PON3: variants seen among roughly 807,000 people sequenced by gnomAD.
The protein encoded by PON3 is paraoxonase 3.
Under a neutral mutation model 36.3 loss-of-function variants are expected in PON3, and 37 were observed. The observed-to-expected ratio is 1.02, with a 90% confidence interval of 0.78 to 1.34. PON3 has a LOEUF of 1.34. Among genes scored for constraint, PON3 ranks in the 40% most tolerant of loss-of-function variants. The pLI, the probability that PON3 is intolerant of heterozygous loss-of-function variation, is 0.00. For synonymous variants in PON3, 155 were observed against 154.8 expected, an observed-to-expected ratio of 1.00 and a Z score of -0.01; for missense variants, 415 against 426.5, an observed-to-expected ratio of 0.97 and a Z score of 0.24.
chr7:95,365,077 A>G (rs941634049), intron 5 of PON3: 1 of 152,148 alleles, frequency 6.6e-6, no homozygotes. Flanking sequence ...TTTACTCCAA[A>G]AAGTATTGCC....
At chr7:95,372,959 T>C (rs1203905538) in intron 3 of PON3, among the ~76,000 whole-genome samples, 4 of 152,168 alleles carry the variant, frequency 2.6e-5, no homozygotes, top group African/African-American at 9.7e-5. Flanking sequence ...AAAAGTTTAT[T>C]CCAGTAACTT....
intron 3 of PON3, among the ~76,000 whole-genome samples, chr7:95,382,341 A>T (rs578009435): frequency 8.5e-5 from 13 of 152,316 alleles, no homozygotes; most frequent in South Asian, 2.1e-4. Flanking sequence ...AAGACAAGAA[A>T]TAACTAAGAT....
chr7:95,386,072 C>T (rs1809182844), intron 3 of PON3, among the ~76,000 whole-genome samples: 1 of 152,124 alleles, frequency 6.6e-6, no homozygotes, highest in Non-Finnish European at 1.5e-5. Context: ...ATTAAAAGAA[C>T]TACAGAAGCA....
chr7:95,393,259 G>A (rs918750876), intron 2 of PON3, among the ~76,000 whole-genome samples: 1 of 152,192 alleles, frequency 6.6e-6, no homozygotes, highest in South Asian at 2.1e-4. Context: ...GCCCTAGGGA[G>A]TTTACAATCT....
intron 3 of PON3, among the ~76,000 whole-genome samples, chr7:95,381,449 A>G (rs1471563900): frequency 6.6e-6 from 1 of 152,246 alleles, no homozygotes; most frequent in East Asian, 1.9e-4. Flanking sequence ...TGCTGTATTC[A>G]AGAAACCCAT....
At chr7:95,385,459 C>G (rs973549219) in intron 3 of PON3, among the ~76,000 whole-genome samples, 2 of 152,120 alleles carry the variant, frequency 1.3e-5, no homozygotes, top group Non-Finnish European at 2.9e-5. Context: ...GACTCCCACA[C>G]AATACTACTG....
chr7:95,367,601 T>G lies in PON3; in HGVS notation c.368-113A>C, dbSNP rs3757708. ...AGTTTTCTTCTTACATCTTGCATTT[T>G]ACCCTCACAGTCTACATGATAGGTA... On this transcript the variant is annotated intron_variant, in intron 4 of 8. Coordinates refer to ENST00000265627, the MANE Select transcript of PON3 (RefSeq NM_000940.3). 0.51 allele frequency: 580,543 copies of G among 1,143,818 alleles called. 151,590 individuals are homozygous for G. Among genetic ancestry groups the G allele is most frequent in the East Asian group, 0.8 (33,428 of 41,624 alleles). 70.9% of individuals were successfully genotyped at this position (1,143,818 alleles called of 1,614,324 possible).
intron 7 of PON3, 36 bp from the exon 8 acceptor site, chr7:95,362,526 C>A: frequency 6.2e-7 from 1 of 1,612,708 alleles, no homozygotes; most frequent in Non-Finnish European, 8.5e-7. Flanking sequence ...GACATTGTCT[C>A]AATGATTCCT....
At chr7:95,370,228 T>A (rs1323251185) in intron 4 of PON3, among the ~76,000 whole-genome samples, 2 of 152,052 alleles carry the variant, frequency 1.3e-5, no homozygotes, top group African/African-American at 4.8e-5. Context: ...ATCCTTACTA[T>A]GACAATGAAT....
chr7:95,367,231 T>G lies in PON3; in HGVS notation c.494+131A>C, dbSNP rs889217876. 4 of 1,146,414 alleles carry G rather than the reference T, an allele frequency of 3.5e-6. No homozygotes were observed. In the African/African-American group the frequency reaches 4.7e-5, roughly 13 times the overall value. 71.0% of individuals were successfully genotyped at this position (1,146,414 alleles called of 1,614,324 possible). On this transcript the variant is annotated intron_variant, in intron 5 of 8. Coordinates refer to ENST00000265627, the MANE Select transcript of PON3 (RefSeq NM_000940.3). ...CTGGGAAGAGTCACCATGGGAATCATTAGAAAGCTTTAGAAAAAAATCAAA... is the reference window on the plus strand; with the variant it reads ...CTGGGAAGAGTCACCATGGGAATCAGTAGAAAGCTTTAGAAAAAAATCAAA...
chr7:95,378,549 T>C (rs1014792291), intron 3 of PON3, among the ~76,000 whole-genome samples: 4 of 152,202 alleles, frequency 2.6e-5, no homozygotes, highest in Non-Finnish European at 5.9e-5. Context: ...GACTAACAGC[T>C]GATCTCTCGG....
chr7:95,378,740 G>T (rs539940537), intron 3 of PON3, among the ~76,000 whole-genome samples: 1 of 152,248 alleles, frequency 6.6e-6, no homozygotes, highest in East Asian at 1.9e-4. Flanking sequence ...CCTTACAAGA[G>T]CTCCTGAAGG....
intron 4 of PON3, among the ~76,000 whole-genome samples, chr7:95,371,908 C>G (rs1008885986): frequency 1.3e-5 from 2 of 151,904 alleles, no homozygotes; most frequent in Admixed American, 6.6e-5. Context: ...TTTCTGAGAA[C>G]AGTATTCAAA....
rs1808821974 is a variant in PON3, at chr7:95,372,166, GT to G, written c.367+6del. The G allele has an allele frequency of 5.0e-6, 8 of 1,612,058 alleles. No individual in the cohort carries two copies. The highest frequency in any genetic ancestry group is 6.8e-6 in the Non-Finnish European group (8 of 1,178,358). ...TTCCCCCTTATCCCTAAACATACAG[GT>G]TTTACCTTTGTCGATGAAAATACTG... On this transcript the variant is annotated splice_donor_region_variant and intron_variant, in intron 4 of 8. Transcript: ENST00000265627.
chr7:95,374,563 C>G (rs1244381934), intron 3 of PON3, among the ~76,000 whole-genome samples: 1 of 152,118 alleles, frequency 6.6e-6, no homozygotes, highest in African/African-American at 2.4e-5. Context: ...TATCTCTCTT[C>G]CCCTCACCAT....
chr7:95,374,595 C>T (rs990106818), intron 3 of PON3, among the ~76,000 whole-genome samples: 3 of 152,134 alleles, frequency 2.0e-5, no homozygotes, highest in African/African-American at 7.2e-5. Context: ...GAAACATCAC[C>T]TGATCTTATT....
intron 3 of PON3, chr7:95,377,699 G>C (rs1374994094): frequency 8.8e-6 from 2 of 227,582 alleles, no homozygotes; most frequent in African/African-American, 4.7e-5. Context: ...ACTGTTAGAA[G>C]GAAAACTAAC....
At chr7:95,374,155 TG>T (rs1808867486) in intron 3 of PON3, among the ~76,000 whole-genome samples, 1 of 152,186 alleles carries the variant, frequency 6.6e-6, no homozygotes, top group Non-Finnish European at 1.5e-5. Context: ...GTGCCCAAAA[TG>T]CTGGGACCAC....
chr7:95,372,429 G>C (rs890268596), intron 3 of PON3, 91 bp from the exon 4 acceptor site: 2 of 1,397,446 alleles, frequency 1.4e-6, no homozygotes, highest in African/African-American at 2.9e-5. Flanking sequence ...AAATAAAAAT[G>C]TTCAAAGTTC....
Sources: allele counts gnomAD v4.1 joint callset (sites outside exome capture counted in the v4.1 genomes callset), GRCh38; gene constraint gnomAD v4.1.1; transcripts MANE v1.5; gene names NCBI Gene and HGNC (gene_info 2026-07-23, HGNC 2026-07-21).